Variants in FMNL2 observed in about 807,000 individuals in gnomAD.
FMNL2 encodes the protein formin-like protein 2.
In FMNL2, 51 loss-of-function variants were observed where a neutral mutation model predicts 130.2. The ratio of observed to expected loss-of-function variants is 0.39; its 90% CI spans 0.31 to 0.49. The LOEUF (loss-of-function observed/expected upper bound fraction) is 0.49, where lower values mean the gene tolerates loss of function less well. FMNL2 is among the 20% of genes least tolerant of loss of function. The pLI, the probability that FMNL2 is intolerant of heterozygous loss-of-function variation, is 0.85. For synonymous variants in FMNL2, 465 were observed against 467.1 expected (o/e 1.00, Z 0.06); for missense variants, 977 against 1,316.2 (o/e 0.74, Z 3.99).
intron 1 of FMNL2, among the ~76,000 whole-genome samples, chr2:152,430,495 T>G (rs1687436890): frequency 6.6e-6 from 1 of 152,256 alleles, no homozygotes; most frequent in South Asian, 2.1e-4. Flanking sequence ...TGGGGTACGT[T>G]GAAGACGTGA....
intron 9 of FMNL2, among the ~76,000 whole-genome samples, chr2:152,606,532 T>G (rs935888402): frequency 1.3e-5 from 2 of 151,656 alleles, no homozygotes; most frequent in African/African-American, 4.8e-5. Flanking sequence ...TAGTGAGCTA[T>G]CATTGTGCTA....
At chr2:152,645,622 C>A in intron 25 of FMNL2, 1 of 761,168 alleles carries the variant, frequency 1.3e-6, no homozygotes. Context: ...GAGAATCTGA[C>A]CAGGGAGTTT....
At chr2:152,508,098 A>G (rs1579839612) in intron 1 of FMNL2, among the ~76,000 whole-genome samples, 1 of 152,212 alleles carries the variant, frequency 6.6e-6, no homozygotes, top group East Asian at 1.9e-4. Context: ...ATGTGCAATA[A>G]CAGAGAATAT....
chr2:152,413,906 T>C (rs532171765), intron 1 of FMNL2, among the ~76,000 whole-genome samples: 264 of 152,360 alleles, frequency 1.7e-3, no homozygotes, highest in Non-Finnish European at 3.1e-3. Flanking sequence ...GTGGTGACTT[T>C]TATCCTCTTG....
chr2:152,530,536 T>A (rs1386606470), intron 2 of FMNL2, among the ~76,000 whole-genome samples: 1 of 152,188 alleles, frequency 6.6e-6, no homozygotes, highest in Non-Finnish European at 1.5e-5. Flanking sequence ...AATTAAATAA[T>A]TAACTTCACC....
intron 1 of FMNL2, among the ~76,000 whole-genome samples, chr2:152,382,396 A>G (rs946376687): frequency 2.6e-5 from 4 of 152,142 alleles, no homozygotes; most frequent in Non-Finnish European, 4.4e-5. Flanking sequence ...TGGCTTCTTC[A>G]GTAGAAGATT....
intron 2 of FMNL2, among the ~76,000 whole-genome samples, chr2:152,541,972 C>A (rs888102067): frequency 6.6e-6 from 1 of 152,104 alleles, no homozygotes; most frequent in Non-Finnish European, 1.5e-5. Context: ...ACCTGATACA[C>A]GTGGCATGAA....
chr2:152,634,259 C>G (rs1039649841), intron 21 of FMNL2, among the ~76,000 whole-genome samples: 3 of 152,088 alleles, frequency 2.0e-5, no homozygotes, highest in African/African-American at 7.2e-5. Context: ...ATAGCGAAAC[C>G]CTGTCTCTAC....
At chr2:152,402,861 A>T (rs563665331) in intron 1 of FMNL2, among the ~76,000 whole-genome samples, 1 of 152,210 alleles carries the variant, frequency 6.6e-6, no homozygotes, top group East Asian at 1.9e-4. Flanking sequence ...TGCTTTATTC[A>T]CCTTTCCTCA....
Position 152,636,453 on chromosome 2 carries a change from G to A in FMNL2, c.2707G>A (p.Val903Ile), listed in dbSNP as rs1682612020. 1.9e-6 allele frequency: 3 copies of A among 1,612,262 alleles called. No individual in the cohort carries two copies. Among genetic ancestry groups the A allele is most frequent in the African/African-American group, 1.3e-5 (1 of 74,916 alleles). The change falls in exon 22 of 26, where the codon GTC (valine) becomes ATC (isoleucine). Residue 903 changes from valine (V) to isoleucine (I), a missense_variant. This residue lies in a region of FMNL2 where 689 missense variants were observed against 995.9 expected (regional missense o/e 0.69). Coordinates refer to ENST00000288670, the MANE Select transcript of FMNL2 (RefSeq NM_052905.4). ...CTCCCTTGAGAATGTTTTGCTGGATGTCAAGGAGCTCCAGAGGGGAATGGA... is the reference window on the plus strand; with the variant it reads ...CTCCCTTGAGAATGTTTTGCTGGATATCAAGGAGCTCCAGAGGGGAATGGA... ...AVSLENVLLD[V>I]KELQRGMDLT...
chr2:152,609,452 TATA>T (rs1698566619), intron 10 of FMNL2, among the ~76,000 whole-genome samples: 2 of 152,288 alleles, frequency 1.3e-5, no homozygotes, highest in South Asian at 4.1e-4. Context: ...CCTCATAACA[TATA>T]ATATAAATTT....
At chr2:152,513,262 TC>T (rs1424991540) in intron 1 of FMNL2, among the ~76,000 whole-genome samples, 2 of 152,168 alleles carry the variant, frequency 1.3e-5, no homozygotes, top group African/African-American at 4.8e-5. Context: ...AATTAATATA[TC>T]CATCATCTCT....
chr2:152,373,325 A>G (rs1436282539), intron 1 of FMNL2, among the ~76,000 whole-genome samples: 1 of 152,124 alleles, frequency 6.6e-6, no homozygotes, highest in Non-Finnish European at 1.5e-5. Flanking sequence ...AGTTACTGGG[A>G]TATTTTCTCC....
intron 1 of FMNL2, among the ~76,000 whole-genome samples, chr2:152,504,051 C>T (rs187662570): frequency 3.3e-5 from 5 of 152,238 alleles, no homozygotes; most frequent in Admixed American, 6.5e-5. Context: ...ATTAGCCGGG[C>T]GTGGTGGCAC....
chr2:152,477,568 A>AAGAC (rs1251016727), intron 1 of FMNL2, among the ~76,000 whole-genome samples: 7 of 152,196 alleles, frequency 4.6e-5, no homozygotes, highest in Non-Finnish European at 1.0e-4. Context: ...AGGAGCAAAC[A>AAGAC]AGACAGGAGC....
chr2:152,526,330 A>C (rs1693382975), intron 2 of FMNL2, among the ~76,000 whole-genome samples: 1 of 152,224 alleles, frequency 6.6e-6, no homozygotes, highest in South Asian at 2.1e-4. Flanking sequence ...GAGCAGAGAC[A>C]GTGGTGAAGA....
At chr2:152,363,322 T>C (rs4254462) in intron 1 of FMNL2, among the ~76,000 whole-genome samples, 18,248 of 152,242 alleles carry the variant, frequency 0.12, 1,271 homozygotes, top group Middle Eastern at 0.29. Context: ...AAACTGGTCA[T>C]ATTAAACTCC....
At chr2:152,568,234 G>C (rs1223602960) in intron 6 of FMNL2, among the ~76,000 whole-genome samples, 1 of 27,560 alleles carries the variant, frequency 3.6e-5, no homozygotes. Flanking sequence ...TTTTTTTTTT[G>C]AGACGGAGTC....
intron 1 of FMNL2, among the ~76,000 whole-genome samples, chr2:152,491,012 C>T (rs72864935): frequency 1.2e-3 from 189 of 152,254 alleles, no homozygotes; most frequent in Non-Finnish European, 1.9e-3. Context: ...CCTACTCCCT[C>T]GCCAGCTTTG....
Sources: allele counts gnomAD v4.1 joint callset (sites outside exome capture counted in the v4.1 genomes callset), GRCh38; gene constraint gnomAD v4.1.1; regional missense constraint gnomAD v4.1.1; transcripts MANE v1.5; gene names NCBI Gene and HGNC (gene_info 2026-07-23, HGNC 2026-07-21).